The following SLC25A22 variants were observed in gnomAD, a reference collection of about 807,000 sequenced individuals.
The protein encoded by SLC25A22 is solute carrier family 25 member 22, also known as mitochondrial glutamate carrier 1.
SLC25A22 carries 23 observed loss-of-function variants against 33.7 expected under a neutral mutation model. The ratio of observed to expected loss-of-function variants is 0.68; its 90% confidence interval spans 0.49 to 0.97. The LOEUF is 0.97. Among genes scored for constraint, SLC25A22 ranks in the 50% least tolerant of loss-of-function variants. The pLI is 0.00. For missense variants in SLC25A22, 390 were observed against 451.1 expected, an observed-to-expected ratio of 0.86 and a Z score of 1.23; for synonymous variants, 245 against 203.8, an observed-to-expected ratio of 1.20 and a Z score of -1.72.
chr11:798,039 C>A, intron 1 of SLC25A22, 178 bp downstream of exon 1: 1 of 398,388 alleles, frequency 2.5e-6, no homozygotes, highest in Non-Finnish European at 4.4e-6. Flanking sequence ...CACGGCGTCT[C>A]ACGCCAGAGC....
chr11:798,051 G>C (rs1007431538), intron 1 of SLC25A22, 166 bp downstream of exon 1: 31 of 398,272 alleles, frequency 7.8e-5, no homozygotes, highest in Non-Finnish European at 2.7e-5. Context: ...CGCCAGAGCA[G>C]CCGCGGATCG....
At chr11:797,723 G>A (rs919870727) in intron 1 of SLC25A22, 4 of 398,520 alleles carry the variant, frequency 1.0e-5, no homozygotes, top group Non-Finnish European at 1.8e-5. Context: ...CTGGCTGGAG[G>A]GTCCCGGAAG....
rs988020536 is a variant in SLC25A22 at position 798,260 on chromosome 11, C to G, written c.-207G>C. On this transcript the variant is annotated 5_prime_UTR_variant, in exon 1 of 10. Transcript: ENST00000628067. Reference sequence around the variant, plus strand: ...CGCGCTCGCCTGCCCGCCCCGCGCTCGGCCAGCACCTAGGCGGGGAGGCGC... The same window carrying G: ...CGCGCTCGCCTGCCCGCCCCGCGCTGGGCCAGCACCTAGGCGGGGAGGCGC... 1 of 386,754 alleles carries G rather than the reference C, an allele frequency of 2.6e-6. No homozygotes were observed. The highest frequency in any genetic ancestry group is 4.6e-6 in the Non-Finnish European group (1 of 218,586). 24.0% of individuals were successfully genotyped at this position (386,754 alleles called of 1,614,324 possible). A position where few individuals can be genotyped will look rare whatever the true frequency, so the allele number is the denominator to read the frequency against.
At position 795,096 on chromosome 11, in the gene SLC25A22, G is replaced by T; in HGVS notation, c.-90C>A. 1 of 1,455,518 alleles carries T rather than the reference G, an allele frequency of 6.9e-7. No individual in the cohort carries two copies. Among genetic ancestry groups the T allele is most frequent in the Non-Finnish European group, 9.4e-7 (1 of 1,068,318 alleles). 90.2% of individuals were successfully genotyped at this position (1,455,518 alleles called of 1,614,324 possible). A position where few individuals can be genotyped will look rare whatever the true frequency, so the allele number is the denominator to read the frequency against. On this transcript the variant is annotated 5_prime_UTR_variant, in exon 2 of 10. Coordinates refer to ENST00000628067, the MANE Select transcript of SLC25A22 (RefSeq NM_001191061.2). ...GAGGTGGAGGAGGCCTTGAGGGAGG[G>T]TGGGACCCAGGGGGGTTGGGTGGTG...
In SLC25A22 at chr11:792,555, G is replaced by A. The variant is rs147840220; in HGVS notation, c.585C>T (p.Leu195=). 3,172 of 1,612,180 alleles carry A rather than the reference G, an allele frequency of 2.0e-3. 3 individuals are homozygous for A. Among genetic ancestry groups the A allele is most frequent in the Non-Finnish European group, 2.6e-3 (3,017 of 1,179,808 alleles). ...GLYKGLGATL[L]RDVPFSVVYF... ...CCCACCTGCCCTGTGCCTCCTACCTGAGCAGCGTGGCCCCGAGTCCCTTGT... is the reference window on the plus strand; with the variant it reads ...CCCACCTGCCCTGTGCCTCCTACCTAAGCAGCGTGGCCCCGAGTCCCTTGT... Residue 195 remains leucine (L), a splice_region_variant and synonymous_variant, in exon 7 of 10, where the codon CTC becomes CTT. Coordinates refer to ENST00000628067, the MANE Select transcript of SLC25A22 (RefSeq NM_001191061.2).
In SLC25A22 at chr11:794,527, G is replaced by C; in HGVS notation, c.147-14C>G. On this transcript the variant is annotated splice_polypyrimidine_tract_variant and intron_variant, in intron 3 of 9. Transcript: ENST00000628067. ...AGGCAGTCGGACCTGTGGCCAAGGG[G>C]ACAGGGTGAGCCAGGGCCAGCTGGG... The C allele has an allele frequency of 6.2e-7, 1 of 1,611,642 alleles. No homozygotes were observed. The highest frequency in any genetic ancestry group is 8.5e-7 in the Non-Finnish European group (1 of 1,179,430).
intron 5 of SLC25A22, 64 bp downstream of exon 5, chr11:793,465 G>T: frequency 6.5e-7 from 1 of 1,527,086 alleles, no homozygotes. Context: ...CCAGCTGGCA[G>T]GGTGGACCCA....
chr11:793,705 A>C, intron 4 of SLC25A22, 86 bp from the exon 5 acceptor site: 2 of 932,192 alleles, frequency 2.1e-6, no homozygotes, highest in Non-Finnish European at 3.4e-6. Context: ...CTGGCTGGCA[A>C]AACCCTGTCC....
Position 795,174 on chromosome 11 carries a change from A to G in SLC25A22, c.-163-5T>C, listed in dbSNP as rs1012242288. 8 of 819,748 alleles carry G rather than the reference A, an allele frequency of 9.8e-6. No homozygotes were observed. In the African/African-American group the frequency reaches 1.2e-4, roughly 12 times the overall value. 50.8% of individuals were successfully genotyped at this position (819,748 alleles called of 1,614,324 possible). ...TCAGCAACCGCCACTTCTGTCCTAG[A>G]AGGATGAGGGAATGGGAATGAGTGA... On this transcript the variant is annotated splice_polypyrimidine_tract_variant and splice_region_variant and intron_variant, in intron 1 of 9. Coordinates refer to ENST00000628067, the MANE Select transcript of SLC25A22 (RefSeq NM_001191061.2).
rs1006989594 is a variant in SLC25A22, at chr11:798,225, C to G, written c.-172G>C. The G allele has an allele frequency of 2.5e-6, 1 of 393,188 alleles. No homozygotes were observed. The highest frequency in any genetic ancestry group is 4.5e-6 in the Non-Finnish European group (1 of 222,792). The allele number at this position is 393,188 out of a possible 1,614,324, so 24.4% of individuals were successfully genotyped here. The stretch of plus-strand genomic sequence containing the variant: ...GCCGGGCAGACACTCACCACGCTCG[C>G]CGCCGCCGCCGCGCTCGCCTGCCCG... On this transcript the variant is annotated 5_prime_UTR_variant, in exon 1 of 10. Transcript: ENST00000628067.
Position 793,540 on chromosome 11 carries a change from G to T in SLC25A22, c.282C>A (p.Leu94=). The T allele has an allele frequency of 1.2e-6, 2 of 1,613,644 alleles. No individual in the cohort carries two copies. Among genetic ancestry groups the T allele is most frequent in the Non-Finnish European group, 1.7e-6 (2 of 1,179,982 alleles). Residue 94 remains leucine (L), a synonymous_variant, in exon 5 of 10, where the codon CTC becomes CTA. Coordinates refer to ENST00000628067, the MANE Select transcript of SLC25A22 (RefSeq NM_001191061.2). ...LAANDFFRHQ[L]SKDGQKLTLL... The stretch of plus-strand genomic sequence containing the variant: ...GGCAGAACCCTCACCCGTCCTTAGA[G>T]AGCTGATGTCGGAAGAAGTCGTTGG...
intron 8 of SLC25A22, 33 bp downstream of exon 8, chr11:792,271 C>T (rs1864564994): frequency 6.2e-7 from 1 of 1,613,070 alleles, no homozygotes; most frequent in Non-Finnish European, 8.5e-7. Context: ...AGTCCCGCCC[C>T]ATCCCCAGCC....
At chr11:793,848 T>C in intron 4 of SLC25A22, 1 of 589,790 alleles carries the variant, frequency 1.7e-6, no homozygotes, top group South Asian at 2.0e-5. Context: ...GCTCCATCTG[T>C]CTCTGATTCT....
At chr11:793,451 G>T in intron 5 of SLC25A22, 78 bp downstream of exon 5, 1 of 1,403,162 alleles carries the variant, frequency 7.1e-7, no homozygotes, top group Non-Finnish European at 1.0e-6. Flanking sequence ...CCCCCAGGTG[G>T]GACCCAGCTG....
In SLC25A22 at chr11:791,504, T is replaced by C; in HGVS notation, c.*411A>G. ...GCTTGGGTCCAGCAGATTCAATAAA[T>C]AGGTTTGTGTGGGGTGCCTGTGTGG... On this transcript the variant is annotated 3_prime_UTR_variant, in exon 10 of 10. Transcript: ENST00000628067. 8.1e-6 allele frequency: 2 copies of C among 247,790 alleles called. No individual in the cohort carries two copies. The highest frequency in any genetic ancestry group is 5.1e-5 in the Admixed American group (1 of 19,482). The allele number at this position is 247,790 out of a possible 1,614,324, so 15.3% of individuals were successfully genotyped here. A position where few individuals can be genotyped will look rare whatever the true frequency, so the allele number is the denominator to read the frequency against.
At chr11:792,528 C>A (rs762291031) in intron 7 of SLC25A22, 25 bp downstream of exon 7, 2 of 1,612,392 alleles carry the variant, frequency 1.2e-6, no homozygotes, top group South Asian at 2.2e-5. Context: ...CCCTTCCCTC[C>A]CCCCACCTGC....
At chr11:794,929 C>T in intron 2 of SLC25A22, 28 bp from the exon 3 acceptor site, 1 of 1,563,782 alleles carries the variant, frequency 6.4e-7, no homozygotes. Flanking sequence ...TCAGGACCGG[C>T]TTCCTTGACC....
At chr11:797,148 G>A (rs1319180176) in intron 1 of SLC25A22, among the ~76,000 whole-genome samples, 1 of 152,204 alleles carries the variant, frequency 6.6e-6, no homozygotes, top group Non-Finnish European at 1.5e-5. Flanking sequence ...CAGGCCGACC[G>A]AGGTGGGGAG....
Position 795,058 on chromosome 11 carries a change from C to A in SLC25A22, c.-52G>T, listed in dbSNP as rs541325471. ...CCGCAGAGGTGGACGCCAGGCCAGG[C>A]GGGGTGGAGGTGGAGGTGGAGGAGG... On this transcript the variant is annotated 5_prime_UTR_variant, in exon 2 of 10. Transcript: ENST00000628067. The A allele has an allele frequency of 5.0e-6, 6 of 1,204,530 alleles. No homozygotes were observed. Among genetic ancestry groups the A allele is most frequent in the Non-Finnish European group, 6.6e-6 (6 of 908,494 alleles). 74.6% of individuals were successfully genotyped at this position (1,204,530 alleles called of 1,614,324 possible).
Sources: allele counts gnomAD v4.1 joint callset (sites outside exome capture counted in the v4.1 genomes callset), GRCh38; gene constraint gnomAD v4.1.1; transcripts MANE v1.5; gene names NCBI Gene and HGNC (gene_info 2026-07-23, HGNC 2026-07-21).